DHCR7: variants seen among roughly 807,000 people sequenced by gnomAD.
DHCR7 encodes the protein 7-DHC reductase.
In DHCR7, 40 loss-of-function variants were observed where a neutral mutation model predicts 43.3. The ratio of observed to expected loss-of-function variants is 0.92; its 90% CI spans 0.72 to 1.20. DHCR7 has a LOEUF of 1.20. Among genes scored for constraint, DHCR7 ranks in the 50% most tolerant of loss-of-function variants. The pLI, the probability that DHCR7 is intolerant of heterozygous loss-of-function variation, is 0.00. For synonymous variants in DHCR7, 298 were observed against 271.4 expected (o/e 1.10, Z -0.96); for missense variants, 608 against 644.6 (o/e 0.94, Z 0.62).
chr11:71,431,959 G>A (rs938646748), downstream of DHCR7, among the ~76,000 whole-genome samples: 1 of 152,168 alleles, frequency 6.6e-6, no homozygotes, highest in Non-Finnish European at 1.5e-5. Flanking sequence ...GAATAGCTGG[G>A]ACTACAAGCA....
intron 2 of DHCR7, chr11:71,428,986 G>A (rs1163619398): frequency 5.3e-6 from 2 of 376,056 alleles, no homozygotes; most frequent in South Asian, 2.0e-5. Context: ...CCTTCCAAGT[G>A]TGCTCAGGGG....
downstream of DHCR7, among the ~76,000 whole-genome samples, chr11:71,432,984 G>A (rs931999184): frequency 3.3e-5 from 5 of 152,208 alleles, no homozygotes; most frequent in African/African-American, 9.7e-5. Context: ...TGGAGAGGGT[G>A]GGGTGTATCA....
At position 71,435,526 on chromosome 11, in the gene DHCR7, T is replaced by G. The variant is rs1354718634; in HGVS notation, c.1277A>C (p.His426Pro). 3 of 1,611,014 alleles carry G rather than the reference T, an allele frequency of 1.9e-6. No homozygotes were observed. Among genetic ancestry groups the G allele is most frequent in the Non-Finnish European group, 2.5e-6 (3 of 1,179,642 alleles). Residue 426 changes from histidine to proline, a missense_variant, in exon 9 of 9, where the codon CAC becomes CCC. By Grantham distance (77) the His-to-Pro change is moderately conservative. Transcript: ENST00000355527. ...LAYCLACGGG[H>P]LLPYFYIIYM... ...GATGATGTAGAAGTAGGGCAGCAGG[T>G]GGCCGCCGCCACAGGCCAGGCAGTA...
chr11:71,430,274 G>C (rs1340451309), downstream of DHCR7, among the ~76,000 whole-genome samples: 1 of 152,182 alleles, frequency 6.6e-6, no homozygotes, highest in Non-Finnish European at 1.5e-5. Context: ...CTCACAGCAG[G>C]GGCGCCCCGT....
In DHCR7 at chr11:71,438,996, G is replaced by A. The variant is rs1388550299; in HGVS notation, c.714C>T (p.Phe238=). The change falls in exon 7 of 9, where the codon TTC becomes TTT. Residue 238 remains phenylalanine (F), a synonymous_variant. Coordinates refer to ENST00000355527, the MANE Select transcript of DHCR7 (RefSeq NM_001360.3). ...RIGKWFDFKL[F]FNGRPGIVAW... ...CGACGATCCCGGGGCGCCCATTGAA[G>A]AACAGCTTGAAGTCAAACCACTTCC... 1.2e-6 allele frequency: 2 copies of A among 1,614,024 alleles called. No homozygotes were observed. The highest frequency in any genetic ancestry group is 8.5e-7 in the Non-Finnish European group (1 of 1,180,056).
At position 71,435,030 on chromosome 11, in the gene DHCR7, C is replaced by A; in HGVS notation, c.*345G>T. On this transcript the variant is annotated 3_prime_UTR_variant, in exon 9 of 9. Coordinates refer to ENST00000355527, the MANE Select transcript of DHCR7 (RefSeq NM_001360.3). ...AGGGCGTGGGAAGACCTCCTGCTCA[C>A]CAGTGTGGGCAGAGTGTAGCGTGGC... The A allele has an allele frequency of 2.0e-6, 1 of 508,222 alleles. No individual in the cohort carries two copies. Among genetic ancestry groups the A allele is most frequent in the Non-Finnish European group, 3.8e-6 (1 of 261,808 alleles). 31.5% of individuals were successfully genotyped at this position (508,222 alleles called of 1,614,324 possible).
In DHCR7 at chr11:71,435,533, C is replaced by T. The variant is rs368150818; in HGVS notation, c.1270G>A (p.Gly424Ser). Reference protein sequence around the residue: ...GSLAYCLACGGGHLLPYFYII... With the variant: ...GSLAYCLACGSGHLLPYFYII... The stretch of plus-strand genomic sequence containing the variant: ...TAGAAGTAGGGCAGCAGGTGGCCGC[C>T]GCCACAGGCCAGGCAGTAGGCCAGG... The change falls in exon 9 of 9, where the codon GGC becomes AGC. Residue 424 changes from glycine to serine, a missense_variant. By Grantham distance (56) the Gly-to-Ser change is moderately conservative (BLOSUM62 0). Coordinates refer to ENST00000355527, the MANE Select transcript of DHCR7 (RefSeq NM_001360.3). The T allele has an allele frequency of 2.2e-5, 36 of 1,610,926 alleles. No individual in the cohort carries two copies. The highest frequency in any genetic ancestry group is 2.0e-4 in the East Asian group (9 of 44,886).
downstream of DHCR7, among the ~76,000 whole-genome samples, chr11:71,431,688 C>A (rs1370884623): frequency 6.6e-6 from 1 of 152,158 alleles, no homozygotes; most frequent in Non-Finnish European, 1.5e-5. Flanking sequence ...TATAATCCTG[C>A]AGAAGTGTTG....
chr11:71,445,066 A>G lies in DHCR7; in HGVS notation c.-6-108T>C, dbSNP rs114439270. On this transcript the variant is annotated intron_variant, in intron 2 of 8. Coordinates refer to ENST00000355527, the MANE Select transcript of DHCR7 (RefSeq NM_001360.3). ...GCCTGGCAGGGCTGGCCTCCTGTGC[A>G]CATCTTCCCGGTACCTTGTTCCTGA... is the stretch of plus-strand genomic sequence containing the variant. The G allele has an allele frequency of 9.7e-4, 864 of 886,716 alleles. 4 individuals carry two copies. In the African/African-American group the frequency reaches 0.011, roughly 12 times the overall value. 54.9% of individuals were successfully genotyped at this position (886,716 alleles called of 1,614,324 possible). A position where few individuals can be genotyped will look rare whatever the true frequency, so the allele number is the denominator to read the frequency against.
At chr11:71,442,863 C>T (rs1435539817) in intron 4 of DHCR7, among the ~76,000 whole-genome samples, 2 of 152,174 alleles carry the variant, frequency 1.3e-5, no homozygotes, top group African/African-American at 2.4e-5. Flanking sequence ...CGGCATTTAG[C>T]GCATTTACAT....
rs1031803154 is a variant in DHCR7, at chr11:71,437,730, A to G, written c.963+82T>C. The G allele has an allele frequency of 1.8e-5, 28 of 1,594,430 alleles. No individual in the cohort carries two copies. The African/African-American group carries it at 3.6e-4, about 21-fold the overall frequency. ...AACAGGGGGCAGCTTTGGTGCCCCC[A>G]AGGACAGACGCTTCTGCAAGGAGAA... On this transcript the variant is annotated intron_variant, in intron 8 of 8. Transcript: ENST00000355527.
chr11:71,441,406 T>C lies in DHCR7; in HGVS notation c.447A>G (p.Gln149=). Reference sequence around the variant, plus strand: ...AGAGCAGGTGCGTGAGGAGCCAGGCTTGCAGGCCATTGATCTGATACTTGT... The same window carrying C: ...AGAGCAGGTGCGTGAGGAGCCAGGCCTGCAGGCCATTGATCTGATACTTGT... ...VVNKYQINGL[Q]AWLLTHLLWF... The change falls in exon 6 of 9, where the codon CAA becomes CAG. Residue 149 remains glutamine, a synonymous_variant. Transcript: ENST00000355527. The C allele has an allele frequency of 1.2e-6, 2 of 1,614,008 alleles. No homozygotes were observed. The highest frequency in any genetic ancestry group is 1.7e-6 in the Non-Finnish European group (2 of 1,179,884).
chr11:71,441,912 T>C (rs1003890382), intron 5 of DHCR7, among the ~76,000 whole-genome samples: 1 of 152,126 alleles, frequency 6.6e-6, no homozygotes, highest in Admixed American at 6.5e-5. Context: ...TTCTCAATGA[T>C]GGCAAGGAAT....
Position 71,442,277 on chromosome 11 carries a change from GC to G in DHCR7, c.397del (p.Ala133ProfsTer2). Reference protein sequence around the residue: ...PGYVGGIQEGAVTPAGVVNKY... With the variant: ...PGYVGGIQEGXVTPAGVVNKY... ...GAGGAGGCTACCTGCAGGAGTCACG[GC>G]CCCCTCCTGGATGCCTCCTACGTAG... On this transcript the variant is annotated frameshift_variant, in exon 5 of 9. Coordinates refer to ENST00000355527, the MANE Select transcript of DHCR7 (RefSeq NM_001360.3). LOFTEE classifies it high-confidence loss of function. 2 of 1,613,140 alleles carry G rather than the reference GC, an allele frequency of 1.2e-6. No homozygotes were observed. The highest frequency in any genetic ancestry group is 1.3e-5 in the African/African-American group (1 of 75,014).
At chr11:71,438,153 C>T (rs1949308615) in intron 7 of DHCR7, among the ~76,000 whole-genome samples, 1 of 152,154 alleles carries the variant, frequency 6.6e-6, no homozygotes, top group Non-Finnish European at 1.5e-5. Context: ...CTCAGAACCA[C>T]CCCGAGCCCA....
At position 71,435,051 on chromosome 11, in the gene DHCR7, G is replaced by C. The variant is rs759058043; in HGVS notation, c.*324C>G. The C allele has an allele frequency of 1.8e-6, 1 of 548,012 alleles. No homozygotes were observed. Among genetic ancestry groups the C allele is most frequent in the African/African-American group, 1.9e-5 (1 of 53,606 alleles). 33.9% of individuals were successfully genotyped at this position (548,012 alleles called of 1,614,324 possible). On this transcript the variant is annotated 3_prime_UTR_variant, in exon 9 of 9. Transcript: ENST00000355527. ...CTCACCAGTGTGGGCAGAGTGTAGC[G>C]TGGCCTGGGCTCCTAATACAGGTAA...
intron 4 of DHCR7, 68 bp downstream of exon 4, chr11:71,443,925 G>T: frequency 7.7e-7 from 1 of 1,292,558 alleles, no homozygotes; most frequent in South Asian, 1.4e-5. Flanking sequence ...ACAAATGGAA[G>T]GACTACCCCA....
chr11:71,437,925 A>C lies in DHCR7; in HGVS notation c.850T>G (p.Phe284Val). The change falls in exon 8 of 9, where the codon TTC becomes GTC. Residue 284 changes from phenylalanine to valine, a missense_variant. By Grantham distance (50) the Phe-to-Val change is conservative. Coordinates refer to ENST00000355527, the MANE Select transcript of DHCR7 (RefSeq NM_001360.3). ...NVLQAIYVID[F>V]FWNETWYLKT... ...AGGTACCAGGTTTCGTTCCAGAAGAAGTCAATCACGTAGATGGCCTGCAAG... is the reference window on the plus strand; with the variant it reads ...AGGTACCAGGTTTCGTTCCAGAAGACGTCAATCACGTAGATGGCCTGCAAG... 1.3e-5 allele frequency: 21 copies of C among 1,613,628 alleles called. No homozygotes were observed. The highest frequency in any genetic ancestry group is 1.7e-5 in the Non-Finnish European group (20 of 1,180,000).
rs765926518 is a variant in DHCR7 at position 71,435,848 on chromosome 11, C to T, written c.964-9G>A. The T allele has an allele frequency of 1.2e-5, 19 of 1,595,544 alleles. No individual in the cohort carries two copies. The highest frequency in any genetic ancestry group is 1.7e-4 in the Middle Eastern group (1 of 6,058). On this transcript the variant is annotated splice_polypyrimidine_tract_variant and intron_variant, in intron 8 of 8. Transcript: ENST00000355527. Reference sequence around the variant, plus strand: ...TACACCAAGTACAGACCCTGGGGGGCGAGGGGGAAGGGGTCAAGCGGTGCT... The same window carrying T: ...TACACCAAGTACAGACCCTGGGGGGTGAGGGGGAAGGGGTCAAGCGGTGCT...
Sources: gnomAD v4.1 joint callset for allele counts (sites outside exome capture counted in the v4.1 genomes callset) on GRCh38, gnomAD v4.1.1 for gene constraint, MANE v1.5 for transcripts, NCBI Gene and HGNC (gene_info 2026-07-23, HGNC 2026-07-21) for gene names.